CNTNAP4: variants seen among roughly 807,000 people sequenced by gnomAD.
CNTNAP4 encodes the protein contactin associated protein family member 4, also known as contactin-associated protein-like 4.
Under a neutral mutation model 148.4 loss-of-function variants are expected in CNTNAP4, and 98 were observed. The observed-to-expected ratio is 0.66, with a 90% CI of 0.56 to 0.78. The LOEUF (loss-of-function observed/expected upper bound fraction) is 0.78, where lower values mean the gene tolerates loss of function less well. Among genes scored for constraint, CNTNAP4 ranks in the 30% least tolerant of loss-of-function variants. CNTNAP4 has a pLI of 0.00. For synonymous variants in CNTNAP4, 730 were observed against 565.1 expected (o/e 1.29, Z -4.14); for missense variants, 1,935 against 1,565.6 (o/e 1.24, Z -3.98).
chr16:76,556,166 T>G (rs1435158106), intron 23 of CNTNAP4, among the ~76,000 whole-genome samples: 1 of 152,098 alleles, frequency 6.6e-6, no homozygotes, highest in East Asian at 1.9e-4. Flanking sequence ...ATGGGATAAT[T>G]TATTTAATAA....
intron 8 of CNTNAP4, among the ~76,000 whole-genome samples, chr16:76,458,480 C>G (rs1480094447): frequency 6.6e-6 from 1 of 151,966 alleles, no homozygotes; most frequent in Non-Finnish European, 1.5e-5. Context: ...GAGTCTTGAG[C>G]TTGTTTTCCT....
intron 3 of CNTNAP4, among the ~76,000 whole-genome samples, chr16:76,418,350 TC>T (rs1568085472): frequency 2.9e-4 from 43 of 145,960 alleles, no homozygotes; most frequent in East Asian, 6.0e-4. Flanking sequence ...GCTTTTTTTT[TC>T]TTTGTCTATT....
At chr16:76,496,108 C>T (rs62050126) in intron 14 of CNTNAP4, among the ~76,000 whole-genome samples, 1,463 of 33,742 alleles carry the variant, frequency 0.043, 22 homozygotes, top group African/African-American at 0.086. Flanking sequence ...TGTGTGTGTG[C>T]GTGTATTTCT....
intron 15 of CNTNAP4, among the ~76,000 whole-genome samples, chr16:76,511,117 GTC>G (rs1379726869): frequency 1.3e-5 from 2 of 152,070 alleles, no homozygotes; most frequent in Non-Finnish European, 2.9e-5. Context: ...TCTGCTCTCA[GTC>G]TCTCTATCTG....
intron 2 of CNTNAP4, among the ~76,000 whole-genome samples, chr16:76,346,861 G>T (rs1361653772): frequency 6.6e-6 from 1 of 152,124 alleles, no homozygotes; most frequent in Admixed American, 6.6e-5. Context: ...TCAAAGCACT[G>T]CATTATTAAA....
chr16:76,278,857 A>G, intron 1 of CNTNAP4, among the ~76,000 whole-genome samples: 1 of 152,176 alleles, frequency 6.6e-6, no homozygotes, highest in East Asian at 1.9e-4. Context: ...TCATGGGCAC[A>G]AGTCAAATGT....
At chr16:76,516,341 A>G (rs956587893) in intron 15 of CNTNAP4, among the ~76,000 whole-genome samples, 3 of 152,184 alleles carry the variant, frequency 2.0e-5, no homozygotes, top group Admixed American at 6.5e-5. Flanking sequence ...CCAGTCTATC[A>G]TTGATGGGCA....
chr16:76,482,134 A>G (rs35515557), intron 12 of CNTNAP4, among the ~76,000 whole-genome samples: 65,140 of 151,668 alleles, frequency 0.43, 13,992 homozygotes, highest in Admixed American at 0.45. Flanking sequence ...TGGGTGGAAA[A>G]GAGTGATGAG....
intron 1 of CNTNAP4, among the ~76,000 whole-genome samples, chr16:76,313,102 C>G (rs1199605999): frequency 6.6e-6 from 1 of 152,036 alleles, no homozygotes; most frequent in East Asian, 1.9e-4. Context: ...TGTCTTTCTC[C>G]CCACGAATGT....
intron 21 of CNTNAP4, among the ~76,000 whole-genome samples, chr16:76,547,761 C>T (rs546083389): frequency 1.4e-4 from 21 of 152,272 alleles, no homozygotes; most frequent in African/African-American, 4.8e-4. Context: ...CCGCAGAGCT[C>T]AGGAAGCACA....
intron 1 of CNTNAP4, among the ~76,000 whole-genome samples, chr16:76,288,062 G>GT (rs1555514014): frequency 6.6e-6 from 1 of 151,942 alleles, no homozygotes; most frequent in Non-Finnish European, 1.5e-5. Flanking sequence ...TAACTCCCAC[G>GT]TGTCAAGGAC....
At chr16:76,546,392 G>T (rs2084735536) in intron 21 of CNTNAP4, among the ~76,000 whole-genome samples, 1 of 152,146 alleles carries the variant, frequency 6.6e-6, no homozygotes, top group South Asian at 2.1e-4. Context: ...CCTGAGCTCT[G>T]CCTCCTGTCA....
At chr16:76,473,691 A>G (rs958030037) in intron 10 of CNTNAP4, among the ~76,000 whole-genome samples, 3 of 152,024 alleles carry the variant, frequency 2.0e-5, no homozygotes, top group Admixed American at 2.0e-4. Flanking sequence ...GGAGAATGGC[A>G]TGAACCTGGG....
At chr16:76,402,492 A>C (rs983974629) in intron 3 of CNTNAP4, among the ~76,000 whole-genome samples, 2 of 151,836 alleles carry the variant, frequency 1.3e-5, no homozygotes, top group African/African-American at 4.8e-5. Context: ...TTATCTTACT[A>C]ATTAAAAAAC....
intron 21 of CNTNAP4, among the ~76,000 whole-genome samples, chr16:76,544,184 C>T (rs7195971): frequency 0.22 from 33,539 of 150,948 alleles, 3,995 homozygotes; most frequent in African/African-American, 0.31. Flanking sequence ...GATATTTCTT[C>T]TAAGGGAGTA....
chr16:76,505,050 G>C (rs1364264207), intron 15 of CNTNAP4, among the ~76,000 whole-genome samples: 4 of 152,128 alleles, frequency 2.6e-5, no homozygotes, highest in Non-Finnish European at 5.9e-5. Context: ...CTTTGGAAAA[G>C]AATTTGGTTT....
chr16:76,492,284 G>A (rs184359568), intron 13 of CNTNAP4, among the ~76,000 whole-genome samples: 244 of 151,660 alleles, frequency 1.6e-3, no homozygotes, highest in African/African-American at 5.7e-3. Context: ...AAGTAGCTAT[G>A]TTAAGTGGTG....
chr16:76,368,855 A>G (rs928632553), intron 3 of CNTNAP4, among the ~76,000 whole-genome samples: 3 of 152,144 alleles, frequency 2.0e-5, no homozygotes, highest in Non-Finnish European at 2.9e-5. Context: ...AATTAAAAAT[A>G]AAGCTCCTCA....
intron 2 of CNTNAP4, among the ~76,000 whole-genome samples, chr16:76,351,370 A>G (rs1286363953): frequency 6.6e-6 from 1 of 152,184 alleles, no homozygotes; most frequent in Non-Finnish European, 1.5e-5. Context: ...GCCCAAAAAA[A>G]AAAAAAATTC....
Sources: gnomAD v4.1 joint callset for allele counts (sites outside exome capture counted in the v4.1 genomes callset) on GRCh38, gnomAD v4.1.1 for gene constraint, MANE v1.5 for transcripts, NCBI Gene and HGNC (gene_info 2026-07-23, HGNC 2026-07-21) for gene names.